The following KCNU1 variants were observed in gnomAD, a reference collection of about 807,000 sequenced individuals.
KCNU1 encodes potassium calcium-activated channel subfamily U member 1, also known as potassium channel subfamily U member 1.
Under a neutral mutation model 126.8 loss-of-function variants are expected in KCNU1, and 93 were observed. That is an observed-to-expected ratio of 0.73 (90% CI 0.62 to 0.87). KCNU1 has a LOEUF of 0.87. Among genes scored for constraint, KCNU1 ranks in the 40% least tolerant of loss-of-function variants. The probability of loss-of-function intolerance (pLI) is 0.00; values close to 1 mark genes in which losing one functional copy is unlikely to be tolerated. For missense variants in KCNU1, 1,330 were observed against 1,367.1 expected (o/e 0.97, Z 0.43); for synonymous variants, 523 against 494.2 (o/e 1.06, Z -0.77).
At position 36,836,964 on chromosome 8, in the gene KCNU1, G is replaced by T. The variant is rs756123224; in HGVS notation, c.1518+19G>T. ...CAAAAAGGTAACCTTGTAAATTACT[G>T]TTGATTCTTGGCTCTGTTCCTATGT... On this transcript the variant is annotated intron_variant, in intron 14 of 26. Transcript: ENST00000399881. 14 of 1,612,766 alleles carry T rather than the reference G, an allele frequency of 8.7e-6. No homozygotes were observed. Among genetic ancestry groups the T allele is most frequent in the Non-Finnish European group, 1.1e-5 (13 of 1,179,014 alleles).
Position 36,877,049 on chromosome 8 carries a change from C to T in KCNU1, c.2009+12528C>T, listed in dbSNP as rs1180357101. Reference sequence around the variant, plus strand: ...ATAAAATCAACACTTTTCCCAAGCACCTGATTTCTCTCTAACTCTCTGTTA... The same window carrying T: ...ATAAAATCAACACTTTTCCCAAGCATCTGATTTCTCTCTAACTCTCTGTTA... On this transcript the variant is annotated intron_variant, in intron 19 of 26. Coordinates refer to ENST00000399881, the MANE Select transcript of KCNU1 (RefSeq NM_001031836.3). Among the ~76,000 whole-genome samples, 4 of 152,132 alleles carry T rather than the reference C, an allele frequency of 2.6e-5. No individual in the cohort carries two copies. In the East Asian group the frequency reaches 7.7e-4, roughly 29 times the overall value.
chr8:36,836,003 C>T (rs771523118), intron 12 of KCNU1, among the ~76,000 whole-genome samples: 1 of 152,162 alleles, frequency 6.6e-6, no homozygotes, highest in Non-Finnish European at 1.5e-5. Flanking sequence ...GGTTTGAAAG[C>T]TAAAACATGA....
chr8:36,927,926 G>T (rs1009593792), intron 24 of KCNU1, among the ~76,000 whole-genome samples: 1 of 139,312 alleles, frequency 7.2e-6, no homozygotes, highest in Non-Finnish European at 1.5e-5. Flanking sequence ...GGGAGAGAGA[G>T]AACTAGAGGG....
intron 10 of KCNU1, among the ~76,000 whole-genome samples, chr8:36,826,266 G>C (rs13272094): frequency 0.3 from 46,110 of 151,560 alleles, 7,969 homozygotes; most frequent in African/African-American, 0.45. Context: ...CTGGAGCGCA[G>C]TGGCCTGATC....
chr8:36,841,433 T>C (rs754791010), intron 16 of KCNU1, among the ~76,000 whole-genome samples: 1 of 152,196 alleles, frequency 6.6e-6, no homozygotes, highest in Non-Finnish European at 1.5e-5. Flanking sequence ...GGCTCATGCC[T>C]GTAATGCCAG....
At chr8:36,787,985 T>A (rs1335149668) in intron 2 of KCNU1, among the ~76,000 whole-genome samples, 1 of 151,812 alleles carries the variant, frequency 6.6e-6, no homozygotes, top group Non-Finnish European at 1.5e-5. Context: ...GTTCTCCTTA[T>A]ATATGCAGAT....
chr8:36,927,180 C>A (rs1219056083), intron 24 of KCNU1, among the ~76,000 whole-genome samples: 1 of 152,090 alleles, frequency 6.6e-6, no homozygotes, highest in Non-Finnish European at 1.5e-5. Flanking sequence ...AATTTTCAGG[C>A]AATTTTAAAA....
intron 2 of KCNU1, among the ~76,000 whole-genome samples, chr8:36,799,276 A>G (rs7831351): frequency 2.6e-4 from 39 of 152,146 alleles, no homozygotes; most frequent in African/African-American, 8.9e-4. Context: ...ATATTTTCCA[A>G]TATAGAAAGG....
intron 2 of KCNU1, among the ~76,000 whole-genome samples, chr8:36,803,490 A>T (rs539267978): frequency 1.3e-5 from 2 of 152,220 alleles, no homozygotes; most frequent in Non-Finnish European, 2.9e-5. Context: ...GCATGGTAAA[A>T]AAAATCACCT....
chr8:36,793,612 TG>T, intron 2 of KCNU1, among the ~76,000 whole-genome samples: 1 of 152,184 alleles, frequency 6.6e-6, no homozygotes, highest in East Asian at 1.9e-4. Context: ...TTTTTCCGCT[TG>T]TTTATTATTG....
chr8:36,816,751 CA>C (rs1452439151), intron 9 of KCNU1, among the ~76,000 whole-genome samples: 27 of 152,058 alleles, frequency 1.8e-4, no homozygotes, highest in Non-Finnish European at 4.0e-4. Context: ...TTTTTCATGA[CA>C]AAAACTATAT....
intron 25 of KCNU1, among the ~76,000 whole-genome samples, chr8:36,931,719 A>G (rs911450639): frequency 1.3e-5 from 2 of 152,200 alleles, no homozygotes; most frequent in South Asian, 2.1e-4. Flanking sequence ...TTAAAATGCT[A>G]AAGAAATCTG....
In KCNU1 at chr8:36,833,537, C is replaced by A; in HGVS notation, c.1107-17C>A. Reference sequence around the variant, plus strand: ...CATCTTTTTTCCCTCATTGCTGCCACGTTCTTTTTTGTCCAGAACCCCTCC... The same window carrying A: ...CATCTTTTTTCCCTCATTGCTGCCAAGTTCTTTTTTGTCCAGAACCCCTCC... On this transcript the variant is annotated splice_polypyrimidine_tract_variant and intron_variant, in intron 10 of 26. Coordinates refer to ENST00000399881, the MANE Select transcript of KCNU1 (RefSeq NM_001031836.3). 3 of 1,484,618 alleles carry A rather than the reference C, an allele frequency of 2.0e-6. No individual in the cohort carries two copies. The highest frequency in any genetic ancestry group is 2.8e-5 in the African/African-American group (2 of 72,322). The allele number at this position is 1,484,618 out of a possible 1,614,324, so 92.0% of individuals were successfully genotyped here. A position where few individuals can be genotyped will look rare whatever the true frequency, so the allele number is the denominator to read the frequency against.
chr8:36,815,795 A>G lies in KCNU1; in HGVS notation c.995+108A>G, dbSNP rs528271622. On this transcript the variant is annotated intron_variant, in intron 9 of 26. Transcript: ENST00000399881. ...CTTAGCTGTAGAACCCAAGGTGAATATATCAGCAACATCCCGTATTCACTA... is the reference window on the plus strand; with the variant it reads ...CTTAGCTGTAGAACCCAAGGTGAATGTATCAGCAACATCCCGTATTCACTA... 8 of 647,938 alleles carry G rather than the reference A, an allele frequency of 1.2e-5. No homozygotes were observed. In the East Asian group the frequency reaches 2.1e-4, roughly 17 times the overall value. 40.1% of individuals were successfully genotyped at this position (647,938 alleles called of 1,614,324 possible).
At chr8:36,847,538 G>A (rs761237112) in intron 18 of KCNU1, among the ~76,000 whole-genome samples, 3 of 152,146 alleles carry the variant, frequency 2.0e-5, no homozygotes, top group Non-Finnish European at 4.4e-5. Context: ...ACCACAAGTC[G>A]AGTCTCTACT....
intron 7 of KCNU1, among the ~76,000 whole-genome samples, chr8:36,813,651 A>C (rs1040863920): frequency 2.1e-5 from 3 of 146,224 alleles, no homozygotes; most frequent in African/African-American, 7.9e-5. Context: ...ATCAGAGGAA[A>C]ATATTTTTAA....
intron 19 of KCNU1, among the ~76,000 whole-genome samples, chr8:36,892,836 A>C (rs898548747): frequency 1.3e-5 from 2 of 152,104 alleles, no homozygotes; most frequent in African/African-American, 4.8e-5. Flanking sequence ...AGAGATTAGG[A>C]ATACCTCAGG....
Position 36,857,722 on chromosome 8 carries a change from T to C in KCNU1, c.1892-6682T>C, listed in dbSNP as rs182232863. ...GTGGAATGGCTTGATCTTGGCTCAT[T>C]GCAAGCTCCACCTCCCGGGTTAAAG... is the stretch of plus-strand genomic sequence containing the variant. On this transcript the variant is annotated intron_variant, in intron 18 of 26. Transcript: ENST00000399881. 6.4e-4 allele frequency among the ~76,000 whole-genome samples: 97 copies of C among 152,168 alleles called. 2 individuals are homozygous for C. In the East Asian group the frequency reaches 0.018, roughly 28 times the overall value.
At chr8:36,907,827 T>C (rs1054882227) in intron 20 of KCNU1, among the ~76,000 whole-genome samples, 1 of 152,206 alleles carries the variant, frequency 6.6e-6, no homozygotes, top group Non-Finnish European at 1.5e-5. Flanking sequence ...TGCTGCAAAT[T>C]AAACTTACTC....
Sources: gnomAD v4.1 joint callset for allele counts (sites outside exome capture counted in the v4.1 genomes callset) on GRCh38, gnomAD v4.1.1 for gene constraint, MANE v1.5 for transcripts, NCBI Gene and HGNC (gene_info 2026-07-23, HGNC 2026-07-21) for gene names.